The following SRBD1 variants were observed in gnomAD, a reference collection of about 807,000 sequenced individuals.
SRBD1 encodes S1 RNA-binding domain-containing protein 1.
Under a neutral mutation model 115.3 loss-of-function variants are expected in SRBD1, and 88 were observed. That is an observed-to-expected ratio of 0.76 (90% CI 0.64 to 0.91). SRBD1 has a LOEUF of 0.91. Among genes scored for constraint, SRBD1 ranks in the 40% least tolerant of loss-of-function variants. The pLI is 0.00. For synonymous variants in SRBD1, 509 were observed against 407.7 expected (o/e 1.25, Z -2.99); for missense variants, 1,385 against 1,177.4 (o/e 1.18, Z -2.58).
chr2:45,542,349 G>T (rs1260826976), intron 14 of SRBD1, among the ~76,000 whole-genome samples: 1 of 152,240 alleles, frequency 6.6e-6, no homozygotes, highest in Non-Finnish European at 1.5e-5. Flanking sequence ...GCCTGCAGGG[G>T]AAGGGGCATC....
rs137927442 is a variant in SRBD1 at position 45,574,570 on chromosome 2, G to C, written c.1169+57C>G. 2.7e-6 allele frequency: 4 copies of C among 1,507,448 alleles called. 1 individual carries two copies. The African/African-American group carries it at 5.6e-5, about 21-fold the overall frequency. 93.4% of individuals were successfully genotyped at this position (1,507,448 alleles called of 1,614,324 possible). The stretch of plus-strand genomic sequence containing the variant: ...GAACATTGGTATTAGCACTAACCGT[G>C]TGACCCTTAACAGCATGAGTCCATA... On this transcript the variant is annotated intron_variant, in intron 8 of 20. Coordinates refer to ENST00000263736, the MANE Select transcript of SRBD1 (RefSeq NM_018079.5).
At chr2:45,556,863 G>A (rs532643793) in intron 10 of SRBD1, among the ~76,000 whole-genome samples, 1 of 152,222 alleles carries the variant, frequency 6.6e-6, no homozygotes, top group Admixed American at 6.5e-5. Flanking sequence ...GAATTGTTGT[G>A]AGTTAACATA....
At chr2:45,566,426 CA>C (rs1672833211) in intron 9 of SRBD1, among the ~76,000 whole-genome samples, 1 of 152,108 alleles carries the variant, frequency 6.6e-6, no homozygotes, top group Non-Finnish European at 1.5e-5. Context: ...ACTCTGAAAC[CA>C]TTATGCTAAG....
chr2:45,423,107 A>G (rs909860587), intron 16 of SRBD1, among the ~76,000 whole-genome samples: 7 of 152,210 alleles, frequency 4.6e-5, no homozygotes, highest in Non-Finnish European at 8.8e-5. Flanking sequence ...AATGTGCAAA[A>G]CAATAAAAAT....
At chr2:45,443,712 G>A (rs948688503) in intron 16 of SRBD1, among the ~76,000 whole-genome samples, 1 of 151,326 alleles carries the variant, frequency 6.6e-6, no homozygotes, top group African/African-American at 2.4e-5. Flanking sequence ...GGAATAAAGT[G>A]GAAATGTGTA....
At chr2:45,581,950 T>C (rs1673378847) in intron 5 of SRBD1, 140 bp from the exon 6 acceptor site, 1 of 650,462 alleles carries the variant, frequency 1.5e-6, no homozygotes, top group African/African-American at 1.8e-5. Context: ...TAAGTTAACA[T>C]CCCTGCACTC....
At chr2:45,553,019 G>C (rs908550376) in intron 11 of SRBD1, among the ~76,000 whole-genome samples, 1 of 152,176 alleles carries the variant, frequency 6.6e-6, no homozygotes, top group African/African-American at 2.4e-5. Flanking sequence ...ATGAATTAGG[G>C]AATGTCTAGT....
At chr2:45,580,511 A>ATTTTTTTTTTTTTTT in intron 6 of SRBD1, among the ~76,000 whole-genome samples, 1 of 85,802 alleles carries the variant, frequency 1.2e-5, no homozygotes, top group Non-Finnish European at 2.2e-5. Flanking sequence ...ACGTCCAGCT[A>ATTTTTTTTTTTTTTT]TTTTTTTTTT....
intron 16 of SRBD1, among the ~76,000 whole-genome samples, chr2:45,439,204 C>T (rs1668587979): frequency 6.6e-6 from 1 of 151,850 alleles, no homozygotes; most frequent in Non-Finnish European, 1.5e-5. Context: ...AGCAGACCTA[C>T]ACTACAAAAA....
intron 16 of SRBD1, among the ~76,000 whole-genome samples, chr2:45,442,459 T>A (rs1668698578): frequency 6.6e-6 from 1 of 152,184 alleles, no homozygotes; most frequent in Non-Finnish European, 1.5e-5. Flanking sequence ...ACCACACCCA[T>A]TTGACCCACA....
At chr2:45,520,386 T>C (rs1671245087) in intron 14 of SRBD1, among the ~76,000 whole-genome samples, 1 of 152,232 alleles carries the variant, frequency 6.6e-6, no homozygotes, top group Non-Finnish European at 1.5e-5. Context: ...CTGCTGACAC[T>C]GCCACAGGCT....
chr2:45,496,914 G>GA (rs1225096743), intron 14 of SRBD1, among the ~76,000 whole-genome samples: 1 of 151,994 alleles, frequency 6.6e-6, no homozygotes, highest in East Asian at 1.9e-4. Context: ...AGCTAATGCT[G>GA]AAAAAAAATC....
At chr2:45,602,215 G>A (rs1034221258) in intron 2 of SRBD1, 132 bp from the exon 3 acceptor site, 4 of 1,028,192 alleles carry the variant, frequency 3.9e-6, no homozygotes, top group African/African-American at 3.2e-5. Context: ...ATTGAGTACA[G>A]GCTGTGAACA....
At chr2:45,456,716 T>C (rs899697644) in intron 16 of SRBD1, among the ~76,000 whole-genome samples, 1 of 151,894 alleles carries the variant, frequency 6.6e-6, no homozygotes. Flanking sequence ...GAGGCCAGCA[T>C]GCTGAAGAAA....
Position 45,601,923 on chromosome 2 carries a change from C to T in SRBD1, c.241G>A (p.Val81Ile), listed in dbSNP as rs1034106621. Residue 81 changes from valine (V) to isoleucine (I), a missense_variant, in exon 3 of 21, where the codon GTT becomes ATT. Physicochemically the swap from Val to Ile is conservative, Grantham distance 29. Coordinates refer to ENST00000263736, the MANE Select transcript of SRBD1 (RefSeq NM_018079.5). The stretch of plus-strand genomic sequence containing the variant: ...CCTACCAGCTCCTCCTTAACAACAA[C>T]GACTTCTGAGCCATCACTGATCTGT... The part of the protein sequence containing the change: ...APQISDGSEV[V>I]VVKEELNSSV... The T allele has an allele frequency of 3.8e-5, 61 of 1,613,990 alleles. No homozygotes were observed. Among genetic ancestry groups the T allele is most frequent in the Admixed American group, 6.7e-5 (4 of 60,008 alleles).
intron 18 of SRBD1, among the ~76,000 whole-genome samples, chr2:45,414,514 C>G (rs960472390): frequency 1.3e-5 from 2 of 149,458 alleles, no homozygotes; most frequent in Admixed American, 1.3e-4. Flanking sequence ...TGTGTACACA[C>G]ATAGTGTGTA....
intron 16 of SRBD1, among the ~76,000 whole-genome samples, chr2:45,440,558 A>AGTT (rs1668634285): frequency 6.6e-6 from 1 of 152,246 alleles, no homozygotes; most frequent in Non-Finnish European, 1.5e-5. Context: ...CTGGCTCATG[A>AGTT]CATATGCATG....
intron 16 of SRBD1, among the ~76,000 whole-genome samples, chr2:45,445,505 T>C (rs145040898): frequency 6.4e-5 from 9 of 141,518 alleles, no homozygotes; most frequent in African/African-American, 2.4e-4. Context: ...GAGGCAAGTT[T>C]CTCTCTATAG....
At chr2:45,489,448 AT>A (rs1388619199) in intron 14 of SRBD1, among the ~76,000 whole-genome samples, 1 of 152,170 alleles carries the variant, frequency 6.6e-6, no homozygotes, top group African/African-American at 2.4e-5. Context: ...TCTTGAATAA[AT>A]TTTTATGACA....
Sources: gnomAD v4.1 joint callset for allele counts (sites outside exome capture counted in the v4.1 genomes callset) on GRCh38, gnomAD v4.1.1 for gene constraint, MANE v1.5 for transcripts, NCBI Gene and HGNC (gene_info 2026-07-23, HGNC 2026-07-21) for gene names.